The following HNRNPH1 variants were observed in gnomAD, a reference collection of about 807,000 sequenced individuals.
HNRNPH1 encodes the protein heterogeneous nuclear ribonucleoprotein H.
In HNRNPH1, 4 loss-of-function variants were observed where a neutral mutation model predicts 58.6. The ratio of observed to expected loss-of-function variants is 0.07; its 90% CI spans 0.03 to 0.16. The LOEUF (loss-of-function observed/expected upper bound fraction) is 0.16. Among genes scored for constraint, HNRNPH1 ranks in the 10% least tolerant of loss-of-function variants. The probability of loss-of-function intolerance (pLI) is 1.00; values close to 1 mark genes in which losing one functional copy is unlikely to be tolerated. For synonymous variants in HNRNPH1, 192 were observed against 189.2 expected (o/e 1.01, Z -0.12); for missense variants, 271 against 564.2 (o/e 0.48, Z 5.26).
Position 179,617,508 on chromosome 5 carries a change from A to G in HNRNPH1, c.1057+6T>C. 6.2e-7 allele frequency: 1 copy of G among 1,612,856 alleles called. No individual in the cohort carries two copies. Among genetic ancestry groups the G allele is most frequent in the East Asian group, 2.2e-5 (1 of 44,876 alleles). On this transcript the variant is annotated splice_donor_region_variant and intron_variant, in intron 8 of 12. Coordinates refer to ENST00000356731, the Ensembl canonical transcript of HNRNPH1. ...TAAGAGCCCACAAATGCTCAATCAC[A>G]CTTACGCATATTTGCTTTGTCTTTT...
intron 3 of HNRNPH1, 39 bp downstream of exon 4, chr5:179,620,853 G>A: frequency 6.2e-7 from 1 of 1,603,150 alleles, no homozygotes; most frequent in Non-Finnish European, 8.5e-7. Context: ...CCATAAGCTA[G>A]CCAAAACTCA....
At chr5:179,628,312 G>T (rs1016586838), upstream of HNRNPH1, among the ~76,000 whole-genome samples, 4 of 152,088 alleles carry the variant, frequency 2.6e-5, no homozygotes, top group Non-Finnish European at 5.9e-5. Flanking sequence ...CAATAAGATA[G>T]GAATGTGTTT....
At chr5:179,616,261 T>TGTG (rs1192848474) in intron 10 of HNRNPH1, 43 bp from the exon 12 acceptor site, 22 of 1,461,330 alleles carry the variant, frequency 1.5e-5, no homozygotes, top group Non-Finnish European at 2.1e-5. Context: ...TCTTATGTGA[T>TGTG]GTGGTACCTG....
intron 11 of HNRNPH1, 193 bp downstream of exon 12, chr5:179,615,933 G>A (rs1769339156): frequency 1.8e-6 from 1 of 554,432 alleles, no homozygotes; most frequent in East Asian, 2.9e-5. Context: ...AGTAAAAACA[G>A]TTACATTTGG....
exon 1 of HNRNPH1, chr5:179,623,185 G>T: frequency 1.5e-6 from 2 of 1,373,190 alleles, no homozygotes; most frequent in East Asian, 2.4e-5. Flanking sequence ...GGGAGGACCA[G>T]AACTGAGAGC....
At chr5:179,618,182 A>C (rs1770698285) in exon 5 of HNRNPH1, 1 of 1,614,000 alleles carries the variant, frequency 6.2e-7, no homozygotes, top group African/African-American at 1.3e-5. Flanking sequence ...TCTCAAAGCC[A>C]GCTCCTCTGC....
chr5:179,622,248 T>G (rs969436348), intron 1 of HNRNPH1, among the ~76,000 whole-genome samples: 1 of 152,212 alleles, frequency 6.6e-6, no homozygotes, highest in Admixed American at 6.5e-5. Context: ...AATTAAGACG[T>G]GACATTTTAA....
chr5:179,622,161 CAACTGTA>C (rs1484240566), intron 1 of HNRNPH1, among the ~76,000 whole-genome samples: 48 of 152,186 alleles, frequency 3.2e-4, no homozygotes, highest in Admixed American at 3.1e-3. Flanking sequence ...TCAGTGTCTT[CAACTGTA>C]TAGTGAGCCA....
At chr5:179,615,111 C>G (rs1768886538) in intron 12 of HNRNPH1, 152 bp from the exon 14 acceptor site, 2 of 612,970 alleles carry the variant, frequency 3.3e-6, no homozygotes, top group Non-Finnish European at 2.9e-6. Context: ...GGAATCCCGA[C>G]TCCAAACAAG....
chr5:179,615,649 G>A, intron 11 of HNRNPH1, 54 bp from the exon 13 acceptor site: 2 of 892,220 alleles, frequency 2.2e-6, no homozygotes, highest in Non-Finnish European at 3.6e-6. Context: ...CCATTCTTTA[G>A]ACCAATTGAA....
chr5:179,622,179 G>A (rs1581717762), intron 1 of HNRNPH1, among the ~76,000 whole-genome samples: 1 of 152,168 alleles, frequency 6.6e-6, no homozygotes, highest in Non-Finnish European at 1.5e-5. Context: ...TAGTGAGCCA[G>A]ATTAAGAACT....
intron 1 of HNRNPH1, among the ~76,000 whole-genome samples, chr5:179,622,690 GAC>G (rs1361311310): frequency 4.6e-5 from 7 of 152,158 alleles, no homozygotes; most frequent in African/African-American, 1.7e-4. Flanking sequence ...CAGCTTGGGT[GAC>G]AGAGACTCCA....
intron 11 of HNRNPH1, chr5:179,615,823 G>A (rs1441163432): frequency 3.8e-6 from 2 of 519,798 alleles, no homozygotes; most frequent in Admixed American, 3.6e-5. Flanking sequence ...ATACATGGAG[G>A]CAGATATTTT....
intron 11 of HNRNPH1, chr5:179,615,911 T>A: frequency 3.8e-6 from 2 of 531,858 alleles, no homozygotes; most frequent in Admixed American, 3.5e-5. Context: ...TGATTGTTTC[T>A]GAAAATTAGC....
At chr5:179,615,800 A>G in intron 11 of HNRNPH1, 1 of 519,250 alleles carries the variant, frequency 1.9e-6, no homozygotes. Context: ...GAACAACTTT[A>G]TTTAATGTTT....
chr5:179,620,870 A>G (rs928446533), intron 3 of HNRNPH1, 22 bp downstream of exon 4: 1 of 1,611,458 alleles, frequency 6.2e-7, no homozygotes, highest in Non-Finnish European at 8.5e-7. Context: ...CTCACTGCTC[A>G]GCAACAAACA....
chr5:179,618,479 C>A, intron 4 of HNRNPH1, 156 bp from the exon 6 acceptor site: 8 of 487,166 alleles, frequency 1.6e-5, no homozygotes, highest in South Asian at 3.7e-5. Flanking sequence ...AGGCAATGAC[C>A]AGAAATTCAC....
chr5:179,616,389 T>C (rs1307697629), intron 10 of HNRNPH1, 171 bp from the exon 12 acceptor site: 4 of 617,748 alleles, frequency 6.5e-6, no homozygotes, highest in African/African-American at 5.5e-5. Flanking sequence ...TATCCATCAT[T>C]TGAGCCAGTC....
chr5:179,617,133 T>G, intron 8 of HNRNPH1, 23 bp from the exon 10 acceptor site: 1 of 1,607,200 alleles, frequency 6.2e-7, no homozygotes, highest in Non-Finnish European at 8.5e-7. Flanking sequence ...AAAAAAAGTT[T>G]GAAAATGTTT....
Sources: gnomAD v4.1 joint callset for allele counts (sites outside exome capture counted in the v4.1 genomes callset) on GRCh38, gnomAD v4.1.1 for gene constraint, MANE v1.5 for transcripts, NCBI Gene and HGNC (gene_info 2026-07-23, HGNC 2026-07-21) for gene names.